TBC1D14: variants seen among roughly 807,000 people sequenced by gnomAD.
The protein encoded by TBC1D14 is TBC1 domain family, member 14.
A neutral mutation model predicts 79.0 loss-of-function variants in TBC1D14; 26 were observed. The observed-to-expected ratio is 0.33, with a 90% CI of 0.24 to 0.46. The LOEUF (loss-of-function observed/expected upper bound fraction) is 0.46. Ranked by LOEUF, TBC1D14 falls within the 20% of genes least tolerant of loss-of-function variation. The pLI, the probability that TBC1D14 is intolerant of heterozygous loss-of-function variation, is 1.00. For missense variants in TBC1D14, 769 were observed against 887.6 expected (o/e 0.87, Z 1.70); for synonymous variants, 394 against 349.9 (o/e 1.13, Z -1.40).
intron 2 of TBC1D14, among the ~76,000 whole-genome samples, chr4:6,953,440 T>G (rs1577078272): frequency 1.9e-5 from 2 of 105,326 alleles, no homozygotes; most frequent in African/African-American, 3.5e-5. Context: ...GCTAACACGG[T>G]GAAACCCCGT....
chr4:6,968,085 T>C (rs1715865280), intron 3 of TBC1D14, among the ~76,000 whole-genome samples: 1 of 152,188 alleles, frequency 6.6e-6, no homozygotes, highest in Non-Finnish European at 1.5e-5. Context: ...CTCAGCCGGC[T>C]CGGCATCCTA....
At chr4:6,923,092 C>T (rs943095299) in intron 1 of TBC1D14, among the ~76,000 whole-genome samples, 1 of 152,164 alleles carries the variant, frequency 6.6e-6, no homozygotes, top group Non-Finnish European at 1.5e-5. Flanking sequence ...TCCCAGCTAC[C>T]TGGGAGGCTG....
chr4:7,013,630 T>C (rs1382231460), intron 11 of TBC1D14, among the ~76,000 whole-genome samples: 1 of 152,228 alleles, frequency 6.6e-6, no homozygotes, highest in East Asian at 1.9e-4. Flanking sequence ...CCTCGTTGCA[T>C]TCAAAGGTGT....
At chr4:6,981,135 A>G (rs961313767) in intron 3 of TBC1D14, among the ~76,000 whole-genome samples, 5 of 143,510 alleles carry the variant, frequency 3.5e-5, no homozygotes, top group African/African-American at 1.3e-4. Flanking sequence ...AGTGATTCTC[A>G]TGCCTCAGCC....
chr4:6,961,262 G>T (rs893127922), intron 2 of TBC1D14, among the ~76,000 whole-genome samples: 1 of 152,140 alleles, frequency 6.6e-6, no homozygotes, highest in Non-Finnish European at 1.5e-5. Context: ...GGCCCCCAGC[G>T]TGTTTCCCAG....
chr4:6,979,829 AGATAAAGTGG>A (rs1439267721), intron 3 of TBC1D14, among the ~76,000 whole-genome samples: 1 of 152,234 alleles, frequency 6.6e-6, no homozygotes, highest in African/African-American at 2.4e-5. Flanking sequence ...AAATTACCAG[AGATAAAGTGG>A]GACATTACCT....
chr4:7,025,977 G>C (rs1004466575), intron 13 of TBC1D14, among the ~76,000 whole-genome samples: 12 of 152,312 alleles, frequency 7.9e-5, no homozygotes, highest in South Asian at 2.1e-4. Context: ...TGAAGTCCTT[G>C]TTGATTGACG....
Position 6,924,021 on chromosome 4 carries a change from C to T in TBC1D14, c.632C>T (p.Thr211Ile), listed in dbSNP as rs1724075724. ...TNVTLSSIKE[T>I]RGLHQQDCVH... The stretch of plus-strand genomic sequence containing the variant: ...GTCACCTTGAGCTCTATCAAGGAAA[C>T]CCGTGGCTTACACCAGCAGGACTGT... Residue 211 changes from threonine to isoleucine, a missense_variant, in exon 2 of 14, where the codon ACC becomes ATC. Around this residue, in one of 2 missense-constraint regions of TBC1D14, gnomAD observed 402 missense variants for 393.2 expected, o/e 1.02. Coordinates refer to ENST00000409757, the MANE Select transcript of TBC1D14 (RefSeq NM_020773.3). 1 of 1,614,014 alleles carries T rather than the reference C, an allele frequency of 6.2e-7. No individual in the cohort carries two copies. Among genetic ancestry groups the T allele is most frequent in the African/African-American group, 1.3e-5 (1 of 74,930 alleles).
chr4:6,988,183 C>T (rs747400798), intron 3 of TBC1D14, among the ~76,000 whole-genome samples: 1 of 152,246 alleles, frequency 6.6e-6, no homozygotes, highest in African/African-American at 2.4e-5. Flanking sequence ...AAGACAATTG[C>T]TTTTACAAAT....
At chr4:6,912,809 G>T (rs1360878579) in intron 1 of TBC1D14, among the ~76,000 whole-genome samples, 2 of 152,172 alleles carry the variant, frequency 1.3e-5, no homozygotes, top group Non-Finnish European at 2.9e-5. Context: ...AACAAGATAG[G>T]GTCTCTTACT....
At chr4:6,987,669 G>C (rs571725334) in intron 3 of TBC1D14, 5 of 327,882 alleles carry the variant, frequency 1.5e-5, no homozygotes, top group African/African-American at 2.1e-5. Flanking sequence ...TCCTTACCCT[G>C]TTTTCAGAGC....
chr4:6,943,407 G>A (rs1318372134), intron 2 of TBC1D14, among the ~76,000 whole-genome samples: 1 of 152,114 alleles, frequency 6.6e-6, no homozygotes, highest in Non-Finnish European at 1.5e-5. Context: ...TCATTCTCTT[G>A]CCCAAGTGAT....
At position 6,966,888 on chromosome 4, in the gene TBC1D14, C is replaced by T. The variant is rs1202213807; in HGVS notation, c.723-416C>T. On this transcript the variant is annotated intron_variant, in intron 2 of 13. Transcript: ENST00000409757. ...GCAGTGGCACGATCTCAGCTCACTG[C>T]AAGCTCCGCCTCCCAGGTTCATGTC... is the stretch of plus-strand genomic sequence containing the variant. 2.0e-5 allele frequency among the ~76,000 whole-genome samples: 3 copies of T among 152,222 alleles called. No homozygotes were observed. The East Asian group carries it at 5.8e-4, about 29-fold the overall frequency.
At chr4:6,924,162 G>T (rs1393821653) in intron 2 of TBC1D14, 51 bp downstream of exon 2, 10 of 1,550,226 alleles carry the variant, frequency 6.5e-6, no homozygotes, top group African/African-American at 2.7e-5. Context: ...GTCCAGACCA[G>T]TCTCCTTGTT....
chr4:7,014,939 G>A (rs549277717), intron 12 of TBC1D14, among the ~76,000 whole-genome samples: 1 of 152,358 alleles, frequency 6.6e-6, no homozygotes, highest in Admixed American at 6.5e-5. Flanking sequence ...GTCCACGTGA[G>A]ATGAGTGCCG....
chr4:6,979,250 A>G (rs1717136367), intron 3 of TBC1D14, among the ~76,000 whole-genome samples: 1 of 152,244 alleles, frequency 6.6e-6, no homozygotes, highest in African/African-American at 2.4e-5. Flanking sequence ...ATTCAAACAT[A>G]TCAACAACTA....
At chr4:6,981,622 C>A (rs553317690) in intron 3 of TBC1D14, among the ~76,000 whole-genome samples, 37 of 152,306 alleles carry the variant, frequency 2.4e-4, no homozygotes, top group African/African-American at 8.9e-4. Context: ...ACAAAAAATT[C>A]TCAACACAGT....
intron 3 of TBC1D14, among the ~76,000 whole-genome samples, chr4:6,988,807 T>A (rs1718152212): frequency 6.6e-6 from 1 of 151,862 alleles, no homozygotes; most frequent in African/African-American, 2.4e-5. Context: ...GTAGTGTTCC[T>A]CCAGTTCATA....
At chr4:7,021,531 A>G (rs1056876206) in intron 12 of TBC1D14, among the ~76,000 whole-genome samples, 32 of 152,188 alleles carry the variant, frequency 2.1e-4, no homozygotes, top group African/African-American at 7.7e-4. Flanking sequence ...CAGGAGGTCT[A>G]GGTTGCAGTG....
Sources: gnomAD v4.1 joint callset for allele counts (sites outside exome capture counted in the v4.1 genomes callset) on GRCh38, gnomAD v4.1.1 for gene constraint, gnomAD v4.1.1 regional missense constraint, MANE v1.5 for transcripts, NCBI Gene and HGNC (gene_info 2026-07-23, HGNC 2026-07-21) for gene names.